OTOGL: variants seen among roughly 807,000 people sequenced by gnomAD.
OTOGL encodes otogelin like.
A neutral mutation model predicts 318.5 loss-of-function variants in OTOGL; 285 were observed. The observed-to-expected ratio is 0.89, with a 90% confidence interval of 0.81 to 0.99. OTOGL has a LOEUF of 0.99. Among genes scored for constraint, OTOGL ranks in the 50% least tolerant of loss-of-function variants. The pLI is 0.00. For missense variants in OTOGL, 2,899 were observed against 2,845.6 expected, an observed-to-expected ratio of 1.02 and a Z score of -0.43; for synonymous variants, 987 against 936.5, an observed-to-expected ratio of 1.05 and a Z score of -0.99.
chr12:80,369,922 T>C (rs985919762), intron 55 of OTOGL, among the ~76,000 whole-genome samples: 3 of 152,020 alleles, frequency 2.0e-5, no homozygotes, highest in Non-Finnish European at 4.4e-5. Flanking sequence ...AGTTATAAAA[T>C]AAAAATATAG....
chr12:80,168,561 T>C (rs562902286), intron 1 of OTOGL, among the ~76,000 whole-genome samples: 15 of 152,258 alleles, frequency 9.9e-5, no homozygotes, highest in African/African-American at 3.6e-4. Context: ...CAAGAAAGTA[T>C]GAAATTAAAA....
chr12:80,280,995 C>G (rs1162281281), intron 26 of OTOGL, among the ~76,000 whole-genome samples: 1 of 151,576 alleles, frequency 6.6e-6, no homozygotes, highest in Non-Finnish European at 1.5e-5. Flanking sequence ...TTGCTCTCAG[C>G]TTGAACACTA....
intron 8 of OTOGL, among the ~76,000 whole-genome samples, chr12:80,232,296 T>TA (rs944411630): frequency 7.0e-4 from 107 of 152,312 alleles, no homozygotes; most frequent in African/African-American, 2.4e-3. Flanking sequence ...TTTGTGGCAT[T>TA]AAATATGTAA....
intron 39 of OTOGL, 128 bp from the exon 40 acceptor site, chr12:80,336,285 A>G (rs1888394909): frequency 2.2e-6 from 3 of 1,353,716 alleles, no homozygotes; most frequent in Non-Finnish European, 2.9e-6. Context: ...GGCTCACAGT[A>G]TATAACTTTT....
Position 80,378,415 on chromosome 12 carries a change from T to C in OTOGL, c.*367T>C, listed in dbSNP as rs561722334. 3 of 179,856 alleles carry C rather than the reference T, an allele frequency of 1.7e-5. No homozygotes were observed. Among genetic ancestry groups the C allele is most frequent in the Non-Finnish European group, 3.6e-5 (3 of 83,732 alleles). The allele number at this position is 179,856 out of a possible 1,614,324, so 11.1% of individuals were successfully genotyped here. A position where few individuals can be genotyped will look rare whatever the true frequency, so the allele number is the denominator to read the frequency against. On this transcript the variant is annotated 3_prime_UTR_variant, in exon 59 of 59. Coordinates refer to ENST00000547103, the MANE Select transcript of OTOGL (RefSeq NM_001378609.3). ...CTTAATTTGCAAAGTCTGCTATAGCTATCCAAATTAAGGTACCCTTTAATA... is the reference window on the plus strand; with the variant it reads ...CTTAATTTGCAAAGTCTGCTATAGCCATCCAAATTAAGGTACCCTTTAATA...
At chr12:80,294,368 A>G (rs1255551583) in intron 26 of OTOGL, among the ~76,000 whole-genome samples, 1 of 152,150 alleles carries the variant, frequency 6.6e-6, no homozygotes, top group Non-Finnish European at 1.5e-5. Flanking sequence ...ATAAAATATA[A>G]TGGCAATAAA....
intron 44 of OTOGL, chr12:80,343,667 C>T (rs1446728021): frequency 6.6e-6 from 1 of 151,716 alleles, no homozygotes; most frequent in African/African-American, 2.4e-5. Context: ...AAATGTACAC[C>T]TTCAGGAGGG....
At chr12:80,359,268 G>T (rs897989647) in intron 52 of OTOGL, among the ~76,000 whole-genome samples, 1 of 152,122 alleles carries the variant, frequency 6.6e-6, no homozygotes, top group African/African-American at 2.4e-5. Flanking sequence ...GGAGAAGGGG[G>T]TATAAACATG....
chr12:80,254,037 T>C (rs997130010), intron 14 of OTOGL, among the ~76,000 whole-genome samples: 2 of 152,124 alleles, frequency 1.3e-5, no homozygotes, highest in African/African-American at 4.8e-5. Context: ...GGTCTAAATG[T>C]TGTCGGATAC....
At chr12:80,268,901 C>CAA (rs5799460) in intron 22 of OTOGL, among the ~76,000 whole-genome samples, 6 of 77,850 alleles carry the variant, frequency 7.7e-5, no homozygotes, top group Non-Finnish European at 1.9e-4. Context: ...GTAAACTTAG[C>CAA]AAAAAAAAAA....
chr12:80,228,027 C>T (rs545030335), intron 7 of OTOGL, among the ~76,000 whole-genome samples: 3 of 152,070 alleles, frequency 2.0e-5, no homozygotes, highest in East Asian at 1.9e-4. Context: ...TAGTTTTGTC[C>T]GCTCTGTTGA....
At chr12:80,138,328 T>C (rs147293988) in intron 1 of OTOGL, among the ~76,000 whole-genome samples, 99 of 152,308 alleles carry the variant, frequency 6.5e-4, no homozygotes, top group African/African-American at 2.3e-3. Flanking sequence ...ATCTATAAAA[T>C]AGTGATCATA....
intron 9 of OTOGL, among the ~76,000 whole-genome samples, chr12:80,237,967 A>G (rs1880014467): frequency 6.6e-6 from 1 of 152,146 alleles, no homozygotes; most frequent in South Asian, 2.1e-4. Flanking sequence ...TTGAGATGTC[A>G]TCTTGTTTGA....
chr12:80,177,214 T>A (rs1296438920), intron 1 of OTOGL, among the ~76,000 whole-genome samples: 10 of 152,176 alleles, frequency 6.6e-5, no homozygotes, highest in African/African-American at 2.4e-4. Context: ...ACCAAGGGAA[T>A]GAAGATTTTC....
chr12:80,112,632 T>A (rs1321485121), intron 1 of OTOGL, among the ~76,000 whole-genome samples: 2 of 152,086 alleles, frequency 1.3e-5, no homozygotes, highest in Non-Finnish European at 2.9e-5. Flanking sequence ...GATGTGTTGC[T>A]GGATTCAGTT....
chr12:80,331,565 C>G (rs1888071574), intron 37 of OTOGL, among the ~76,000 whole-genome samples: 1 of 151,982 alleles, frequency 6.6e-6, no homozygotes, highest in Non-Finnish European at 1.5e-5. Flanking sequence ...GTCTTGAACT[C>G]CGGGCCTCAA....
intron 33 of OTOGL, among the ~76,000 whole-genome samples, chr12:80,320,202 T>C (rs1887231573): frequency 6.6e-6 from 1 of 152,196 alleles, no homozygotes. Flanking sequence ...ACTGATTTTT[T>C]TTTTTAGTGA....
rs754529969 is a variant in OTOGL, at chr12:80,254,553, C to A, written c.1424C>A (p.Thr475Asn). 6 of 1,607,072 alleles carry A rather than the reference C, an allele frequency of 3.7e-6. No homozygotes were observed. The Admixed American group carries it at 6.7e-5, about 18-fold the overall frequency. ...CVCVGGVWNC[T>N]EQDCPVQCSV... ...TGTGTTGGTGGAGTTTGGAACTGCA[C>A]TGAGCAAGACTGTCCAGGTAATTTT... Residue 475 changes from threonine (T) to asparagine (N), a missense_variant, in exon 15 of 59, where the codon ACT (threonine) becomes AAT (asparagine). Thr to Asn is a moderately conservative substitution (Grantham distance 65, BLOSUM62 0). Transcript: ENST00000547103.
At chr12:80,236,361 C>A (rs1182429465) in intron 9 of OTOGL, among the ~76,000 whole-genome samples, 1 of 152,058 alleles carries the variant, frequency 6.6e-6, no homozygotes, top group African/African-American at 2.4e-5. Flanking sequence ...ATATTTTATA[C>A]AAAGCATTTT....
Sources: allele counts gnomAD v4.1 joint callset (sites outside exome capture counted in the v4.1 genomes callset), GRCh38; gene constraint gnomAD v4.1.1; transcripts MANE v1.5; gene names NCBI Gene and HGNC (gene_info 2026-07-23, HGNC 2026-07-21).